The following DERA variants were observed in gnomAD, a reference collection of about 807,000 sequenced individuals.
The protein encoded by DERA is deoxyribose-phosphate aldolase.
In DERA, 15 loss-of-function variants were observed where a neutral mutation model predicts 41.1. That is an observed-to-expected ratio of 0.37 (90% CI 0.24 to 0.56). The LOEUF (loss-of-function observed/expected upper bound fraction) is 0.56. DERA is among the 20% of genes least tolerant of loss of function. The pLI, the probability that DERA is intolerant of heterozygous loss-of-function variation, is 0.81. For missense variants in DERA, 396 were observed against 403.4 expected (o/e 0.98, Z 0.16); for synonymous variants, 139 against 137.4 (o/e 1.01, Z -0.08).
At position 15,992,507 on chromosome 12, in the gene DERA, A is replaced by G. The variant is rs189693601; in HGVS notation, c.637+10071A>G. ...CTTTTTGCTTTGGTTTTGGGGTTGA[A>G]GAAAAATTGATCTTCCATGTACATT... On this transcript the variant is annotated intron_variant, in intron 6 of 8. Coordinates refer to ENST00000428559, the MANE Select transcript of DERA (RefSeq NM_015954.4). The surrounding 1 kb of genome is among the most constrained non-coding windows in gnomAD (Gnocchi z 4.3). 6.6e-6 allele frequency among the ~76,000 whole-genome samples: 1 copy of G among 152,280 alleles called. No homozygotes were observed. The highest frequency in any genetic ancestry group is 2.4e-5 in the African/African-American group (1 of 41,554).
rs993477868 is a variant in DERA at position 15,999,817 on chromosome 12, A to G, written c.637+17381A>G. On this transcript the variant is annotated intron_variant, in intron 6 of 8. Coordinates refer to ENST00000428559, the MANE Select transcript of DERA (RefSeq NM_015954.4). This position sits in a 1 kb window ranked among gnomAD's most constrained non-coding sequence, Gnocchi z 5.3. ...TTAGGATTTATTGGAAGTTTGCTGT[A>G]TGTCAGACACTGGATGACAAAGATT... 6.6e-6 allele frequency among the ~76,000 whole-genome samples: 1 copy of G among 152,212 alleles called. No homozygotes were observed. Among genetic ancestry groups the G allele is most frequent in the African/African-American group, 2.4e-5 (1 of 41,452 alleles).
chr12:15,970,587 TTC>T lies in DERA; in HGVS notation c.508+7642_508+7643del, dbSNP rs1171516432. Among the ~76,000 whole-genome samples, 2 of 152,184 alleles carry T rather than the reference TTC, an allele frequency of 1.3e-5. No homozygotes were observed. The highest frequency in any genetic ancestry group is 2.9e-5 in the Non-Finnish European group (2 of 68,028). On this transcript the variant is annotated intron_variant, in intron 5 of 8. Transcript: ENST00000428559. The surrounding 1 kb of genome is among the most constrained non-coding windows in gnomAD (Gnocchi z 4.3). The stretch of plus-strand genomic sequence containing the variant: ...TTTTTGAGGGTTTTTAAATTTTCAT[TTC>T]TTTTTTTAAAATACACCATTCTATT...
chr12:15,952,337 A>C (rs539967650), intron 1 of DERA, among the ~76,000 whole-genome samples: 71 of 152,332 alleles, frequency 4.7e-4, no homozygotes, highest in African/African-American at 1.5e-3. Flanking sequence ...TTGCAAACTT[A>C]TGTACGTATT....
intron 6 of DERA, among the ~76,000 whole-genome samples, chr12:16,029,565 G>A (rs1168497120): frequency 6.6e-6 from 1 of 152,118 alleles, no homozygotes; most frequent in Non-Finnish European, 1.5e-5. Flanking sequence ...GGAAAATACT[G>A]TAGTTTTTTT....
chr12:15,961,986 C>T (rs1017388917), intron 4 of DERA, among the ~76,000 whole-genome samples: 3 of 152,176 alleles, frequency 2.0e-5, no homozygotes, highest in African/African-American at 7.2e-5. Context: ...TCGGATGATC[C>T]GCTAGCCTTG....
At chr12:15,933,963 C>A (rs370571142) in intron 1 of DERA, among the ~76,000 whole-genome samples, 3 of 152,128 alleles carry the variant, frequency 2.0e-5, no homozygotes, top group South Asian at 4.1e-4. Flanking sequence ...TCCTTTTTGT[C>A]AGTGATTGCC....
chr12:15,924,620 C>G lies in DERA; in HGVS notation c.31+13206C>G, dbSNP rs561404821. ...ATCTGTAAAATGGACCTAATGGCTA[C>G]CTGGTAGAGTTAGTGAGACTATTAA... On this transcript the variant is annotated intron_variant, in intron 1 of 8. Transcript: ENST00000428559. This position sits in a 1 kb window ranked among gnomAD's most constrained non-coding sequence, Gnocchi z 5.0. Among the ~76,000 whole-genome samples, 5 of 152,166 alleles carry G rather than the reference C, an allele frequency of 3.3e-5. No individual in the cohort carries two copies. The East Asian group carries it at 5.8e-4, about 18-fold the overall frequency.
At chr12:16,028,875 C>G (rs572077215) in intron 6 of DERA, among the ~76,000 whole-genome samples, 2 of 152,188 alleles carry the variant, frequency 1.3e-5, no homozygotes, top group South Asian at 4.1e-4. Context: ...AAGAAACTAT[C>G]ACAGCCAAGA....
rs1948625405 is a variant in DERA at position 15,966,665 on chromosome 12, A to G, written c.508+3718A>G. 2.0e-5 allele frequency among the ~76,000 whole-genome samples: 3 copies of G among 151,926 alleles called. No homozygotes were observed. Among genetic ancestry groups the G allele is most frequent in the South Asian group, 2.1e-4 (1 of 4,804 alleles). Reference sequence around the variant, plus strand: ...CTTTGTTGTTGTGGCTTTGGTGCCTACATTCCTGAGGTCTTCCTTTCTGTT... The same window carrying G: ...CTTTGTTGTTGTGGCTTTGGTGCCTGCATTCCTGAGGTCTTCCTTTCTGTT... On this transcript the variant is annotated intron_variant, in intron 5 of 8. Transcript: ENST00000428559. This position sits in a 1 kb window ranked among gnomAD's most constrained non-coding sequence, Gnocchi z 5.1.
At position 15,921,814 on chromosome 12, in the gene DERA, T is replaced by C. The variant is rs1203331735; in HGVS notation, c.31+10400T>C. ...GGTGGCGAGCGCCTGTAATCCCAGC[T>C]ACTCGGGAGACTGAGGTAGGAGAAT... On this transcript the variant is annotated intron_variant, in intron 1 of 8. Coordinates refer to ENST00000428559, the MANE Select transcript of DERA (RefSeq NM_015954.4). This position sits in a 1 kb window ranked among gnomAD's most constrained non-coding sequence, Gnocchi z 5.3. Among the ~76,000 whole-genome samples the C allele has an allele frequency of 6.6e-6, 1 of 152,012 alleles. No individual in the cohort carries two copies. Among genetic ancestry groups the C allele is most frequent in the African/African-American group, 2.4e-5 (1 of 41,360 alleles).
chr12:16,029,103 A>G (rs757015155), intron 6 of DERA, among the ~76,000 whole-genome samples: 2 of 152,202 alleles, frequency 1.3e-5, no homozygotes, highest in Non-Finnish European at 2.9e-5. Context: ...ATTTTTCTGT[A>G]TATTGAATTT....
chr12:16,032,317 T>A (rs1949098029), intron 6 of DERA, among the ~76,000 whole-genome samples: 1 of 152,164 alleles, frequency 6.6e-6, no homozygotes, highest in Non-Finnish European at 1.5e-5. Flanking sequence ...GTATCAGAGG[T>A]CAGTGAGAAT....
At chr12:16,006,325 C>T (rs1039524770) in intron 6 of DERA, among the ~76,000 whole-genome samples, 3 of 152,116 alleles carry the variant, frequency 2.0e-5, no homozygotes, top group African/African-American at 7.2e-5. Context: ...ATTGCGTTGC[C>T]AGTGAGATTT....
chr12:15,957,498 G>A lies in DERA; in HGVS notation c.129+465G>A, dbSNP rs989664923. ...CATTTTTCAAAATTCCAAAAATGAT[G>A]TTTCGTAGAGTACTTGCGGTCAGCA... On this transcript the variant is annotated intron_variant, in intron 2 of 8. Coordinates refer to ENST00000428559, the MANE Select transcript of DERA (RefSeq NM_015954.4). The surrounding 1 kb of genome is among the most constrained non-coding windows in gnomAD (Gnocchi z 4.8). Among the ~76,000 whole-genome samples the A allele has an allele frequency of 6.6e-6, 1 of 152,072 alleles. No individual in the cohort carries two copies. Among genetic ancestry groups the A allele is most frequent in the African/African-American group, 2.4e-5 (1 of 41,382 alleles).
intron 1 of DERA, among the ~76,000 whole-genome samples, chr12:15,952,049 C>T (rs1948502032): frequency 6.6e-6 from 1 of 152,088 alleles, no homozygotes; most frequent in Admixed American, 6.6e-5. Context: ...TACAGGCTTG[C>T]ACCACCATGC....
intron 1 of DERA, among the ~76,000 whole-genome samples, chr12:15,952,947 G>A (rs1304490153): frequency 3.9e-5 from 6 of 152,096 alleles, no homozygotes; most frequent in Non-Finnish European, 8.8e-5. Context: ...TTTTGGGCAG[G>A]GTTTCTCAGC....
Position 15,943,284 on chromosome 12 carries a change from A to G in DERA, c.32-13652A>G, listed in dbSNP as rs1003380251. On this transcript the variant is annotated intron_variant, in intron 1 of 8. Transcript: ENST00000428559. This position sits in a 1 kb window ranked among gnomAD's most constrained non-coding sequence, Gnocchi z 4.5. The stretch of plus-strand genomic sequence containing the variant: ...TGAAGACAAATTTTAAACGCAGAGT[A>G]GAAAAGCAATAGTCAGTTGATTGAT... Among the ~76,000 whole-genome samples the G allele has an allele frequency of 5.9e-5, 9 of 152,252 alleles. No homozygotes were observed. The highest frequency in any genetic ancestry group is 5.8e-4 in the East Asian group (3 of 5,206).
chr12:15,996,264 T>C lies in DERA; in HGVS notation c.637+13828T>C, dbSNP rs1033192078. 4.0e-5 allele frequency among the ~76,000 whole-genome samples: 6 copies of C among 151,772 alleles called. No homozygotes were observed. Among genetic ancestry groups the C allele is most frequent in the African/African-American group, 1.5e-4 (6 of 41,290 alleles). On this transcript the variant is annotated intron_variant, in intron 6 of 8. Transcript: ENST00000428559. This position sits in a 1 kb window ranked among gnomAD's most constrained non-coding sequence, Gnocchi z 4.7. The stretch of plus-strand genomic sequence containing the variant: ...TAGAAAACATGGGAAAAGAGGAGTG[T>C]ATTAGTTTCTTGGGCTCGCTGTAAC...
Position 15,915,443 on chromosome 12 carries a change from A to G in DERA, c.31+4029A>G, listed in dbSNP as rs1948192039. 1.3e-5 allele frequency among the ~76,000 whole-genome samples: 2 copies of G among 151,828 alleles called. No individual in the cohort carries two copies. Among genetic ancestry groups the G allele is most frequent in the Non-Finnish European group, 2.9e-5 (2 of 68,018 alleles). On this transcript the variant is annotated intron_variant, in intron 1 of 8. Coordinates refer to ENST00000428559, the MANE Select transcript of DERA (RefSeq NM_015954.4). This position sits in a 1 kb window ranked among gnomAD's most constrained non-coding sequence, Gnocchi z 4.8. ...TTAACGTTTAATTTTTGGAATGGAT[A>G]TTTATTTATTTATTTGTTTATTTAT... is the stretch of plus-strand genomic sequence containing the variant.
Sources: allele counts gnomAD v4.1 joint callset (sites outside exome capture counted in the v4.1 genomes callset), GRCh38; gene constraint gnomAD v4.1.1; non-coding constraint Gnocchi (gnomAD v3.1); transcripts MANE v1.5; gene names NCBI Gene and HGNC (gene_info 2026-07-23, HGNC 2026-07-21).